The following HDAC9 variants were observed in gnomAD, a reference collection of about 807,000 sequenced individuals.
HDAC9 encodes the protein histone deacetylase 9, also known as MEF-2 interacting transcription repressor (MITR) protein.
In HDAC9, 41 loss-of-function variants were observed where a neutral mutation model predicts 139.4. The ratio of observed to expected loss-of-function variants is 0.29; its 90% CI spans 0.23 to 0.38. HDAC9 has a LOEUF of 0.38. Ranked by LOEUF, HDAC9 falls within the 10% of genes least tolerant of loss-of-function variation. The pLI, the probability that HDAC9 is intolerant of heterozygous loss-of-function variation, is 1.00. For synonymous variants in HDAC9, 517 were observed against 476.2 expected, an observed-to-expected ratio of 1.09 and a Z score of -1.12; for missense variants, 1,147 against 1,297.0, an observed-to-expected ratio of 0.88 and a Z score of 1.78.
intron 6 of HDAC9, among the ~76,000 whole-genome samples, chr7:18,597,375 A>C (rs2128860026): frequency 6.6e-6 from 1 of 152,326 alleles, no homozygotes; most frequent in Middle Eastern, 3.4e-3. Flanking sequence ...GTTCTATAAC[A>C]CAAGGATAGG....
At chr7:18,646,325 T>TTTTTTAGAA (rs1228332707) in intron 9 of HDAC9, among the ~76,000 whole-genome samples, 1 of 152,150 alleles carries the variant, frequency 6.6e-6, no homozygotes, top group Non-Finnish European at 1.5e-5. Flanking sequence ...AAGGACCAAG[T>TTTTTTAGAA]ACTAAAGCCA....
Position 18,356,846 on chromosome 7 carries a change from A to G in HDAC9, c.-42+66331A>G, listed in dbSNP as rs1783349026. Among the ~76,000 whole-genome samples, 3 of 152,314 alleles carry G rather than the reference A, an allele frequency of 2.0e-5. No individual in the cohort carries two copies. In the South Asian group the frequency reaches 6.2e-4, roughly 32 times the overall value. ...ATGAATAACTAGGGATGCAGGATTT[A>G]AAATCTATAAGAATTTTTAAAGTTG... On this transcript the variant is annotated intron_variant, in intron 1 of 3. Transcript: ENST00000413509.
intron 16 of HDAC9, among the ~76,000 whole-genome samples, chr7:18,786,796 T>TTCCTTCCTTCCTTCC (rs1791846310): frequency 2.3e-4 from 10 of 44,062 alleles, no homozygotes; most frequent in East Asian, 9.4e-4. Flanking sequence ...TCTTTCTTTC[T>TTCCTTCCTTCCTTCC]TTCCTTCCTT....
rs915196229 is a variant in HDAC9 at position 18,762,090 on chromosome 7, C to T, written c.2044-67C>T. On this transcript the variant is annotated intron_variant, in intron 14 of 25. Coordinates refer to ENST00000686413, the MANE Select transcript of HDAC9 (RefSeq NM_178425.4). ...CCATTATTAATCATCTTAAATGTGA[C>T]TTGGGGTCTCATTTTCTTCTAAATG... 14 of 1,558,712 alleles carry T rather than the reference C, an allele frequency of 9.0e-6. No individual in the cohort carries two copies. The South Asian group carries it at 1.2e-4, about 14-fold the overall frequency.
intron 12 of HDAC9, among the ~76,000 whole-genome samples, chr7:18,691,497 C>T (rs1163454553): frequency 2.6e-5 from 4 of 151,756 alleles, no homozygotes; most frequent in Non-Finnish European, 5.9e-5. Flanking sequence ...GTCTTGTTAC[C>T]GTGAGGTGGA....
At chr7:18,490,714 C>G (rs1342603396), upstream of HDAC9, among the ~76,000 whole-genome samples, 2 of 151,992 alleles carry the variant, frequency 1.3e-5, no homozygotes, top group Admixed American at 6.6e-5. Flanking sequence ...ACTTTCCCCT[C>G]CATCCTATTC....
intron 2 of HDAC9, among the ~76,000 whole-genome samples, chr7:18,282,889 GA>G (rs1170111790): frequency 6.6e-6 from 1 of 151,526 alleles, no homozygotes; most frequent in Non-Finnish European, 1.5e-5. Context: ...TAGAAATTCT[GA>G]ATATGTTTTA....
At chr7:18,309,657 T>A (rs1799172809) in intron 1 of HDAC9, among the ~76,000 whole-genome samples, 1 of 152,290 alleles carries the variant, frequency 6.6e-6, no homozygotes, top group East Asian at 1.9e-4. Context: ...TTTATTGTTC[T>A]ATAAGCAAAC....
chr7:18,414,285 A>G (rs913878634), intron 1 of HDAC9, among the ~76,000 whole-genome samples: 4 of 152,136 alleles, frequency 2.6e-5, no homozygotes, highest in Admixed American at 6.5e-5. Flanking sequence ...GATATTGACC[A>G]TTATATTACC....
At chr7:18,904,662 G>A (rs1161477756) in intron 22 of HDAC9, among the ~76,000 whole-genome samples, 1 of 132,562 alleles carries the variant, frequency 7.5e-6, no homozygotes, top group Non-Finnish European at 1.5e-5. Context: ...TGCAAGCTCC[G>A]CCTCCCGGGT....
At chr7:18,875,721 G>A (rs949459171) in intron 22 of HDAC9, among the ~76,000 whole-genome samples, 1 of 152,122 alleles carries the variant, frequency 6.6e-6, no homozygotes, top group East Asian at 1.9e-4. Context: ...TGTTTGCTGA[G>A]ATTAAATGTC....
intron 12 of HDAC9, among the ~76,000 whole-genome samples, chr7:18,674,397 A>G (rs948555587): frequency 3.3e-5 from 5 of 152,018 alleles, no homozygotes; most frequent in African/African-American, 9.7e-5. Context: ...TTCAACCTTT[A>G]TACTCTAACC....
intron 2 of HDAC9, among the ~76,000 whole-genome samples, chr7:18,532,038 C>T (rs191140348): frequency 3.3e-5 from 5 of 152,254 alleles, no homozygotes; most frequent in African/African-American, 7.2e-5. Flanking sequence ...TACCTGAGGT[C>T]AGGAGTTTGA....
Position 18,996,056 on chromosome 7 carries a change from C to A in HDAC9, c.3204C>A (p.Ala1068=). The change falls in exon 26 of 26, where the codon GCC becomes GCA. Residue 1068 remains alanine (A), a synonymous_variant. Coordinates refer to ENST00000686413, the MANE Select transcript of HDAC9 (RefSeq NM_178425.4). The part of the protein sequence containing the change: ...TAGEPMEEEP[A]L ...GTGAGCCTATGGAAGAGGAGCCAGCCTTGTGAAGTGCCAAGTCCCCCTCTG... is the reference window on the plus strand; with the variant it reads ...GTGAGCCTATGGAAGAGGAGCCAGCATTGTGAAGTGCCAAGTCCCCCTCTG... 1 of 1,605,030 alleles carries A rather than the reference C, an allele frequency of 6.2e-7. No individual in the cohort carries two copies. The highest frequency in any genetic ancestry group is 8.5e-7 in the Non-Finnish European group (1 of 1,175,560).
At chr7:18,095,806 G>C (rs1782467291) in intron 1 of HDAC9, among the ~76,000 whole-genome samples, 1 of 152,194 alleles carries the variant, frequency 6.6e-6, no homozygotes, top group Non-Finnish European at 1.5e-5. Flanking sequence ...TGTGACAAAT[G>C]ATGCTGTATT....
chr7:18,732,573 G>A (rs1786184516), intron 13 of HDAC9, among the ~76,000 whole-genome samples: 1 of 126,862 alleles, frequency 7.9e-6, no homozygotes, highest in African/African-American at 3.5e-5. Flanking sequence ...GTATATATGT[G>A]CATGTGTATA....
intron 2 of HDAC9, among the ~76,000 whole-genome samples, chr7:18,225,351 A>G (rs1446866865): frequency 6.6e-6 from 1 of 152,182 alleles, no homozygotes; most frequent in Non-Finnish European, 1.5e-5. Flanking sequence ...CTGTTTAAAA[A>G]TACATCCCAA....
intron 22 of HDAC9, among the ~76,000 whole-genome samples, chr7:18,888,723 A>G (rs571291448): frequency 3.3e-5 from 5 of 152,302 alleles, no homozygotes; most frequent in African/African-American, 7.2e-5. Context: ...TTTAGTCTAA[A>G]TGAGCCACCT....
At chr7:18,894,097 G>C (rs1218807420) in intron 22 of HDAC9, among the ~76,000 whole-genome samples, 1 of 152,152 alleles carries the variant, frequency 6.6e-6, no homozygotes, top group Non-Finnish European at 1.5e-5. Flanking sequence ...CAGAAGGTGG[G>C]AATGGAGTAA....
Sources: allele counts gnomAD v4.1 joint callset (sites outside exome capture counted in the v4.1 genomes callset), GRCh38; gene constraint gnomAD v4.1.1; transcripts MANE v1.5; gene names NCBI Gene and HGNC (gene_info 2026-07-23, HGNC 2026-07-21).